CLDN16: variants seen among roughly 807,000 people sequenced by gnomAD.
The protein encoded by CLDN16 is claudin 16.
In CLDN16, 13 loss-of-function variants were observed where a neutral mutation model predicts 24.6. That is an observed-to-expected ratio of 0.53 (90% confidence interval 0.34 to 0.84). The LOEUF (loss-of-function observed/expected upper bound fraction) is 0.84, where lower values mean the gene tolerates loss of function less well. CLDN16 is among the 40% of genes least tolerant of loss of function. The pLI, the probability that CLDN16 is intolerant of heterozygous loss-of-function variation, is 0.01. For synonymous variants in CLDN16, 116 were observed against 106.7 expected (o/e 1.09, Z -0.54); for missense variants, 298 against 292.7 (o/e 1.02, Z -0.13).
intron 1 of CLDN16, among the ~76,000 whole-genome samples, chr3:190,350,069 G>T (rs1717638100): frequency 6.6e-6 from 1 of 152,064 alleles, no homozygotes; most frequent in African/African-American, 2.4e-5. Flanking sequence ...GAATAGATGA[G>T]CGGACCAGGC....
intron 1 of CLDN16, among the ~76,000 whole-genome samples, chr3:190,345,578 CG>C (rs1560083877): frequency 1.3e-5 from 2 of 152,098 alleles, no homozygotes; most frequent in Non-Finnish European, 2.9e-5. Context: ...GGCCTAGCTC[CG>C]TCTCTCTTTA....
chr3:190,383,659 G>A (rs1279119018), upstream of CLDN16, among the ~76,000 whole-genome samples: 2 of 152,148 alleles, frequency 1.3e-5, no homozygotes, highest in Non-Finnish European at 2.9e-5. Flanking sequence ...AGGGTCAGGG[G>A]AAGAATAGGC....
At chr3:190,354,375 A>G (rs1162395108) in intron 1 of CLDN16, among the ~76,000 whole-genome samples, 1 of 152,014 alleles carries the variant, frequency 6.6e-6, no homozygotes, top group Admixed American at 6.6e-5. Context: ...CCTACCTTGT[A>G]TATTAATTTC....
intron 1 of CLDN16, among the ~76,000 whole-genome samples, chr3:190,340,474 G>A (rs1717401812): frequency 6.6e-6 from 1 of 152,146 alleles, no homozygotes; most frequent in Admixed American, 6.5e-5. Flanking sequence ...CAAATCTCAT[G>A]AGTCTTACTC....
At chr3:190,334,411 G>A (rs947143633) in intron 1 of CLDN16, among the ~76,000 whole-genome samples, 6 of 152,170 alleles carry the variant, frequency 3.9e-5, no homozygotes, top group South Asian at 4.2e-4. Flanking sequence ...ACTGAGAAGG[G>A]CCCACTATGC....
chr3:190,391,238 T>C (rs1718656569), intron 1 of CLDN16, among the ~76,000 whole-genome samples: 2 of 149,010 alleles, frequency 1.3e-5, no homozygotes, highest in South Asian at 4.3e-4. Context: ...TATATTTGGA[T>C]GATGTTGGCA....
chr3:190,293,036 T>C, the CLDN16 span, among the ~76,000 whole-genome samples: 1 of 152,206 alleles, frequency 6.6e-6, no homozygotes. Context: ...TTTACTGTAT[T>C]AGTCTATTTT....
At chr3:190,336,991 C>T (rs1457346671) in intron 1 of CLDN16, among the ~76,000 whole-genome samples, 2 of 152,246 alleles carry the variant, frequency 1.3e-5, no homozygotes, top group African/African-American at 2.4e-5. Context: ...TGACACCACT[C>T]AATCAGCTCA....
exon 1 of CLDN16, chr3:190,322,601 G>T (rs1716961785): frequency 3.3e-6 from 1 of 304,216 alleles, no homozygotes; most frequent in Non-Finnish European, 6.2e-6. Flanking sequence ...GGACCACCCG[G>T]CAGGACCAGG....
intron 1 of CLDN16, among the ~76,000 whole-genome samples, chr3:190,368,794 C>T (rs1430805533): frequency 2.0e-5 from 3 of 151,892 alleles, no homozygotes; most frequent in Non-Finnish European, 4.4e-5. Context: ...TAATTGGTTA[C>T]AAATGCTTAC....
At chr3:190,322,632 T>C (rs1484711195) in exon 1 of CLDN16, 4 of 261,680 alleles carry the variant, frequency 1.5e-5, no homozygotes, top group Non-Finnish European at 2.2e-5. Flanking sequence ...GCGTCCCTGC[T>C]CGCTTTCTCT....
At chr3:190,312,998 T>A in the CLDN16 span, 1 of 1,614,156 alleles carries the variant, frequency 6.2e-7, no homozygotes, top group East Asian at 2.2e-5. Flanking sequence ...CCCAGGAGGA[T>A]GCCAACCACC....
chr3:190,348,525 C>T (rs922204566), intron 1 of CLDN16, among the ~76,000 whole-genome samples: 9 of 152,120 alleles, frequency 5.9e-5, no homozygotes, highest in Non-Finnish European at 1.5e-5. Flanking sequence ...TCACTTAAGT[C>T]TCATGGATAA....
chr3:190,388,197 C>G lies in CLDN16; in HGVS notation c.-133C>G, dbSNP rs776943777. On this transcript the variant is annotated 5_prime_UTR_variant, in exon 1 of 5. Transcript: ENST00000264734. ...GCAACTCAAGACACCTGCAGCAGGGCGTGAGAAAAAGTAAAAGACCAGTAT... is the reference window on the plus strand; with the variant it reads ...GCAACTCAAGACACCTGCAGCAGGGGGTGAGAAAAAGTAAAAGACCAGTAT... 1 of 1,613,798 alleles carries G rather than the reference C, an allele frequency of 6.2e-7. No homozygotes were observed. The highest frequency in any genetic ancestry group is 8.5e-7 in the Non-Finnish European group (1 of 1,179,958).
At chr3:190,360,562 T>A (rs1717867090) in intron 1 of CLDN16, among the ~76,000 whole-genome samples, 1 of 151,968 alleles carries the variant, frequency 6.6e-6, no homozygotes, top group South Asian at 2.1e-4. Flanking sequence ...GAGTTTTCAG[T>A]CCATTTGTAT....
upstream of CLDN16, chr3:190,387,970 C>T (rs1015248875): frequency 1.1e-5 from 8 of 715,890 alleles, no homozygotes; most frequent in Non-Finnish European, 1.7e-5. Flanking sequence ...TTCCTCCTTC[C>T]CCCGTCTTGG....
intron 1 of CLDN16, among the ~76,000 whole-genome samples, chr3:190,391,250 G>A (rs55656755): frequency 0.18 from 26,998 of 147,804 alleles, 2,898 homozygotes; most frequent in Middle Eastern, 0.28. Flanking sequence ...ATGTTGGCAC[G>A]GGATTTAGAA....
the CLDN16 span, among the ~76,000 whole-genome samples, chr3:190,303,803 A>T: frequency 6.6e-6 from 1 of 152,326 alleles, no homozygotes; most frequent in East Asian, 1.9e-4. Flanking sequence ...ATAATAGAGA[A>T]AGGCAAGAAA....
intron 3 of CLDN16, among the ~76,000 whole-genome samples, chr3:190,406,405 G>A (rs373271504): frequency 5.8e-4 from 88 of 151,786 alleles, no homozygotes; most frequent in African/African-American, 2.1e-3. Context: ...AATTATTTAC[G>A]GCTATATAAT....
Sources: allele counts gnomAD v4.1 joint callset (sites outside exome capture counted in the v4.1 genomes callset), GRCh38; gene constraint gnomAD v4.1.1; transcripts MANE v1.5; gene names NCBI Gene and HGNC (gene_info 2026-07-23, HGNC 2026-07-21).